Variants in CSRNP3 observed in about 807,000 individuals in gnomAD.
CSRNP3 encodes cysteine/serine-rich nuclear protein 3.
Under a neutral mutation model 48.0 loss-of-function variants are expected in CSRNP3, and 12 were observed. The observed-to-expected ratio is 0.25, with a 90% CI of 0.16 to 0.41. CSRNP3 has a LOEUF of 0.41. Ranked by LOEUF, CSRNP3 falls within the 10% of genes least tolerant of loss-of-function variation. CSRNP3 has a pLI of 1.00. For missense variants in CSRNP3, 580 were observed against 724.4 expected (o/e 0.80, Z 2.29); for synonymous variants, 263 against 269.7 (o/e 0.98, Z 0.24).
At chr2:165,566,531 G>C (rs540905069) in intron 3 of CSRNP3, among the ~76,000 whole-genome samples, 77 of 151,692 alleles carry the variant, frequency 5.1e-4, no homozygotes, top group Non-Finnish European at 9.1e-4. Context: ...TACCTCATAG[G>C]CTTGTTGTGA....
intron 3 of CSRNP3, among the ~76,000 whole-genome samples, chr2:165,541,876 AG>A (rs1207535854): frequency 1.3e-5 from 2 of 152,070 alleles, no homozygotes; most frequent in Admixed American, 6.6e-5. Context: ...CCTTCTACAG[AG>A]TTTATAGTTT....
intron 1 of CSRNP3, among the ~76,000 whole-genome samples, chr2:165,476,283 CA>C (rs1262119106): frequency 2.0e-5 from 3 of 152,146 alleles, no homozygotes; most frequent in Non-Finnish European, 4.4e-5. Flanking sequence ...GCATAAGCTA[CA>C]AAGAAAACAA....
intron 3 of CSRNP3, among the ~76,000 whole-genome samples, chr2:165,592,102 AC>A (rs2105292256): frequency 6.6e-6 from 1 of 152,328 alleles, no homozygotes; most frequent in South Asian, 2.1e-4. Flanking sequence ...GCTGTGGGAG[AC>A]CACCTCTTGC....
chr2:165,657,960 C>T lies in CSRNP3; in HGVS notation c.348C>T (p.Leu116=), dbSNP rs1687033965. 1.9e-6 allele frequency: 3 copies of T among 1,613,960 alleles called. No individual in the cohort carries two copies. Among genetic ancestry groups the T allele is most frequent in the Non-Finnish European group, 2.5e-6 (3 of 1,179,978 alleles). The change falls in exon 5 of 7, where the codon CTC becomes CTT. Residue 116 remains leucine, a synonymous_variant. Transcript: ENST00000651982. ...AGTTTGCAAGGGAGCAGGAGAGGCT[C>T]CACCGGGAGATGTTGAGAGAACACC... The part of the protein sequence containing the change: ...LGEFAREQER[L]HREMLREHLR...
chr2:165,573,429 T>A (rs1195089781), intron 3 of CSRNP3, among the ~76,000 whole-genome samples: 1 of 152,180 alleles, frequency 6.6e-6, no homozygotes, highest in Non-Finnish European at 1.5e-5. Flanking sequence ...TTATGAGCAA[T>A]AGAGAAGTTT....
intron 3 of CSRNP3, among the ~76,000 whole-genome samples, chr2:165,559,161 G>A (rs576286497): frequency 5.3e-5 from 8 of 152,144 alleles, no homozygotes; most frequent in Non-Finnish European, 1.2e-4. Flanking sequence ...TGGAATATAG[G>A]AGTTTTTATT....
rs1004226493 is a variant in CSRNP3 at position 165,627,328 on chromosome 2, T to A, written c.149-30433T>A. ...ATTGTCTCTGCTGGGTAGCTTGTTT[T>A]TCTTTGCCTTGTTCTTCTTTCCATT... On this transcript the variant is annotated intron_variant, in intron 4 of 6. Transcript: ENST00000651982. Among the ~76,000 whole-genome samples, 9 of 152,286 alleles carry A rather than the reference T, an allele frequency of 5.9e-5. No homozygotes were observed. In the East Asian group the frequency reaches 1.7e-3, roughly 29 times the overall value.
intron 3 of CSRNP3, among the ~76,000 whole-genome samples, chr2:165,520,420 G>A (rs973548419): frequency 9.2e-5 from 14 of 152,132 alleles, no homozygotes; most frequent in Non-Finnish European, 8.8e-5. Context: ...GGAGTTGAGA[G>A]GTTTAGCCGA....
chr2:165,586,647 G>A (rs1022293064), intron 3 of CSRNP3, among the ~76,000 whole-genome samples: 2 of 152,000 alleles, frequency 1.3e-5, no homozygotes, highest in African/African-American at 4.8e-5. Context: ...ATTTTCTGTG[G>A]TCATTTCCTT....
intron 4 of CSRNP3, among the ~76,000 whole-genome samples, chr2:165,615,533 ACT>A (rs1686224345): frequency 7.8e-6 from 1 of 128,172 alleles, no homozygotes; most frequent in African/African-American, 2.8e-5. Flanking sequence ...ACAGAGCAAG[ACT>A]CCATCTAAAA....
At chr2:165,624,909 G>A (rs576227078) in intron 4 of CSRNP3, among the ~76,000 whole-genome samples, 16 of 152,130 alleles carry the variant, frequency 1.1e-4, no homozygotes, top group South Asian at 6.2e-4. Context: ...AGAAGCCCGC[G>A]GAAAGTGGGA....
Position 165,501,326 on chromosome 2 carries a change from C to G in CSRNP3, c.-113+6398C>G, listed in dbSNP as rs546591182. ...AAAAGTTATGTGTTTTTAAAATGCC[C>G]TTCAATGTCTGATAAACAAATGTTT... On this transcript the variant is annotated intron_variant, in intron 2 of 6. Coordinates refer to ENST00000651982, the MANE Select transcript of CSRNP3 (RefSeq NM_001172173.2). Among the ~76,000 whole-genome samples the G allele has an allele frequency of 7.9e-5, 12 of 152,238 alleles. No individual in the cohort carries two copies. The South Asian group carries it at 2.1e-3, about 26-fold the overall frequency.
At chr2:165,473,495 G>GA (rs1405483115) in intron 1 of CSRNP3, among the ~76,000 whole-genome samples, 1 of 151,910 alleles carries the variant, frequency 6.6e-6, no homozygotes, top group Non-Finnish European at 1.5e-5. Context: ...CCAGTCAAAT[G>GA]AAAAAATTAC....
At chr2:165,673,475 C>T (rs535795056) in intron 5 of CSRNP3, among the ~76,000 whole-genome samples, 1 of 152,040 alleles carries the variant, frequency 6.6e-6, no homozygotes, top group East Asian at 1.9e-4. Flanking sequence ...AATGAAATTC[C>T]TTATTCTAAT....
In CSRNP3 at chr2:165,679,605, G is replaced by T. The variant is rs781126827; in HGVS notation, c.1610G>T (p.Gly537Val). 6.2e-7 allele frequency: 1 copy of T among 1,614,046 alleles called. No homozygotes were observed. Residue 537 changes from glycine (G) to valine (V), a missense_variant, in exon 7 of 7, where the codon GGC (glycine) becomes GTC (valine). By Grantham distance (109) the Gly-to-Val change is moderately radical. Transcript: ENST00000651982. ...GTGGAATTTCACTCATACTTGAAAG[G>T]CCCCTCCCAAGAAGGGTTTGTCTCT... ...PQVEFHSYLK[G>V]PSQEGFVSAL...
intron 3 of CSRNP3, among the ~76,000 whole-genome samples, chr2:165,541,755 T>G (rs1439915075): frequency 1.3e-5 from 2 of 152,148 alleles, no homozygotes; most frequent in Non-Finnish European, 2.9e-5. Context: ...ATCTGAGCAG[T>G]TGTTTCTATC....
intron 4 of CSRNP3, among the ~76,000 whole-genome samples, chr2:165,642,832 G>T (rs1001657410): frequency 6.6e-6 from 1 of 152,180 alleles, no homozygotes; most frequent in Non-Finnish European, 1.5e-5. Context: ...AAAGTGCTGG[G>T]ATTATAGACG....
At position 165,501,170 on chromosome 2, in the gene CSRNP3, A is replaced by G. The variant is rs533270647; in HGVS notation, c.-113+6242A>G. 1.6e-4 allele frequency among the ~76,000 whole-genome samples: 24 copies of G among 152,320 alleles called. No individual in the cohort carries two copies. In the South Asian group the frequency reaches 4.6e-3, roughly 29 times the overall value. On this transcript the variant is annotated intron_variant, in intron 2 of 6. Coordinates refer to ENST00000651982, the MANE Select transcript of CSRNP3 (RefSeq NM_001172173.2). ...ATCAGTTATAATGAAATGCTATGCT[A>G]AGATCATGGTTACATAAGACAGATG...
chr2:165,662,846 C>CT (rs1374298387), intron 5 of CSRNP3, among the ~76,000 whole-genome samples: 1 of 152,116 alleles, frequency 6.6e-6, no homozygotes, highest in Non-Finnish European at 1.5e-5. Context: ...TTTCTAATTG[C>CT]TTTTCAGAAT....
Sources: allele counts gnomAD v4.1 joint callset (sites outside exome capture counted in the v4.1 genomes callset), GRCh38; gene constraint gnomAD v4.1.1; transcripts MANE v1.5; gene names NCBI Gene and HGNC (gene_info 2026-07-23, HGNC 2026-07-21).